The following ANKS1B variants were observed in gnomAD, a reference collection of about 807,000 sequenced individuals.
ANKS1B encodes the protein ankyrin repeat and sterile alpha motif domain containing 1B.
A neutral mutation model predicts 148.3 loss-of-function variants in ANKS1B; 36 were observed. The ratio of observed to expected loss-of-function variants is 0.24; its 90% confidence interval spans 0.19 to 0.32. The LOEUF is 0.32. Among genes scored for constraint, ANKS1B ranks in the 10% least tolerant of loss-of-function variants. The pLI is 1.00. For missense variants in ANKS1B, 1,157 were observed against 1,542.6 expected (o/e 0.75, Z 4.19); for synonymous variants, 542 against 560.8 (o/e 0.97, Z 0.47).
At chr12:99,324,025 G>C (rs1479332718) in intron 12 of ANKS1B, among the ~76,000 whole-genome samples, 1 of 151,946 alleles carries the variant, frequency 6.6e-6, no homozygotes, top group African/African-American at 2.4e-5. Flanking sequence ...ATTAGTATTT[G>C]CTTAAATAAA....
intron 1 of ANKS1B, among the ~76,000 whole-genome samples, chr12:99,938,968 A>C (rs1432094217): frequency 6.6e-6 from 1 of 152,172 alleles, no homozygotes; most frequent in Non-Finnish European, 1.5e-5. Context: ...AAAAAAGTAA[A>C]AATATATGCC....
chr12:99,212,629 G>A (rs904875836), intron 14 of ANKS1B, among the ~76,000 whole-genome samples: 1 of 152,138 alleles, frequency 6.6e-6, no homozygotes, highest in African/African-American at 2.4e-5. Flanking sequence ...ACTTATTGTG[G>A]TCTTTGCATT....
intron 9 of ANKS1B, among the ~76,000 whole-genome samples, chr12:99,638,900 C>T (rs552784294): frequency 2.8e-4 from 43 of 152,292 alleles, no homozygotes; most frequent in African/African-American, 9.6e-4. Flanking sequence ...AGGTACAGCT[C>T]GGGCCATATC....
chr12:99,658,234 T>C (rs1247841892), intron 8 of ANKS1B, among the ~76,000 whole-genome samples: 2 of 152,170 alleles, frequency 1.3e-5, no homozygotes, highest in Non-Finnish European at 1.5e-5. Context: ...GCCGTATGAT[T>C]TTCAGCAGAT....
At chr12:99,926,348 G>A (rs1208929023) in intron 1 of ANKS1B, among the ~76,000 whole-genome samples, 3 of 152,166 alleles carry the variant, frequency 2.0e-5, no homozygotes, top group Non-Finnish European at 4.4e-5. Flanking sequence ...TGTTTAAATC[G>A]GTAGACTGAG....
At chr12:99,701,673 C>T (rs1395196867) in intron 8 of ANKS1B, among the ~76,000 whole-genome samples, 1 of 151,870 alleles carries the variant, frequency 6.6e-6, no homozygotes, top group Non-Finnish European at 1.5e-5. Context: ...TAATCATTTC[C>T]CCATCCCCGC....
chr12:99,212,333 T>C (rs1423780920), intron 14 of ANKS1B, among the ~76,000 whole-genome samples: 2 of 147,288 alleles, frequency 1.4e-5, no homozygotes, highest in Admixed American at 7.0e-5. Context: ...TTTTCGTACT[T>C]TTCCATGCCT....
chr12:99,425,283 CAT>C (rs1296895601), intron 11 of ANKS1B, among the ~76,000 whole-genome samples: 1 of 151,860 alleles, frequency 6.6e-6, no homozygotes, highest in Non-Finnish European at 1.5e-5. Context: ...TTAAGTTATT[CAT>C]ATGATTAAAT....
chr12:99,765,874 G>A (rs149417828), intron 8 of ANKS1B, among the ~76,000 whole-genome samples: 1 of 152,174 alleles, frequency 6.6e-6, no homozygotes, highest in Non-Finnish European at 1.5e-5. Flanking sequence ...TTTTTTAACC[G>A]ATGCAGAAAC....
chr12:98,753,120 C>A (rs75810604), intron 25 of ANKS1B, among the ~76,000 whole-genome samples: 97 of 152,338 alleles, frequency 6.4e-4, no homozygotes, highest in African/African-American at 2.2e-3. Context: ...CTAGATGCCA[C>A]GCCAAGCAGC....
intron 12 of ANKS1B, among the ~76,000 whole-genome samples, chr12:99,340,576 C>T (rs1172101971): frequency 1.3e-5 from 2 of 151,560 alleles, no homozygotes; most frequent in Non-Finnish European, 2.9e-5. Flanking sequence ...ACCAAATGCC[C>T]CAGTACCATT....
At chr12:98,779,529 C>T (rs1162398260) in intron 24 of ANKS1B, among the ~76,000 whole-genome samples, 2 of 152,010 alleles carry the variant, frequency 1.3e-5, no homozygotes, top group Non-Finnish European at 2.9e-5. Context: ...CAAATTCATC[C>T]ACTGAAAATA....
At position 98,982,373 on chromosome 12, in the gene ANKS1B, A is replaced by G. The variant is rs982673704; in HGVS notation, c.2778+70784T>C. ...CTATCTTTGGAGTAGCAAGAGTAAG[A>G]GAAGTGAAACTACAATGATCATCTG... On this transcript the variant is annotated intron_variant, in intron 17 of 26. Coordinates refer to ENST00000683438, the MANE Select transcript of ANKS1B (RefSeq NM_001352186.2). Among the ~76,000 whole-genome samples the G allele has an allele frequency of 2.1e-4, 32 of 152,148 alleles. 1 individual carries two copies. The highest frequency in any genetic ancestry group is 7.7e-4 in the African/African-American group (32 of 41,434).
intron 17 of ANKS1B, among the ~76,000 whole-genome samples, chr12:98,853,161 G>T (rs2099540857): frequency 6.6e-6 from 1 of 152,086 alleles, no homozygotes; most frequent in African/African-American, 2.4e-5. Flanking sequence ...TGTCTTTAGG[G>T]GTCAGTCTTC....
rs2080037063 is a variant in ANKS1B, at chr12:99,291,804, AC to A, written c.1757-44941del. Among the ~76,000 whole-genome samples the A allele has an allele frequency of 2.0e-5, 3 of 152,226 alleles. No homozygotes were observed. The East Asian group carries it at 5.8e-4, about 29-fold the overall frequency. ...AAAACAGCATGGTACTGGTACCAAAACAGATATATAGACCAATGGAACAGAA... is the reference window on the plus strand; with the variant it reads ...AAAACAGCATGGTACTGGTACCAAAAAGATATATAGACCAATGGAACAGAA... On this transcript the variant is annotated intron_variant, in intron 12 of 26. Coordinates refer to ENST00000683438, the MANE Select transcript of ANKS1B (RefSeq NM_001352186.2).
chr12:99,786,250 TC>T (rs1478334459), intron 4 of ANKS1B, among the ~76,000 whole-genome samples: 1 of 152,070 alleles, frequency 6.6e-6, no homozygotes, highest in Non-Finnish European at 1.5e-5. Context: ...GAAATAGAAT[TC>T]CCCACAGCCT....
At chr12:99,074,255 CAGA>C (rs1296521302) in intron 16 of ANKS1B, among the ~76,000 whole-genome samples, 1 of 151,012 alleles carries the variant, frequency 6.6e-6, no homozygotes, top group East Asian at 1.9e-4. Context: ...CTGTAAATAT[CAGA>C]AGGAGATTAG....
chr12:99,141,074 C>A (rs749142716), intron 15 of ANKS1B, among the ~76,000 whole-genome samples: 1 of 152,170 alleles, frequency 6.6e-6, no homozygotes, highest in Non-Finnish European at 1.5e-5. Flanking sequence ...TGGATCCCAA[C>A]CTCTCTCATC....
intron 14 of ANKS1B, among the ~76,000 whole-genome samples, chr12:99,178,588 T>C (rs1345964152): frequency 2.6e-5 from 4 of 152,210 alleles, no homozygotes; most frequent in Non-Finnish European, 5.9e-5. Context: ...AACTTTGTTG[T>C]TGTATTTATA....
Sources: gnomAD v4.1 joint callset for allele counts (sites outside exome capture counted in the v4.1 genomes callset) on GRCh38, gnomAD v4.1.1 for gene constraint, MANE v1.5 for transcripts, NCBI Gene and HGNC (gene_info 2026-07-23, HGNC 2026-07-21) for gene names.